CADM2: variants seen among roughly 807,000 people sequenced by gnomAD.
The protein encoded by CADM2 is immunoglobulin superfamily member 4D.
A neutral mutation model predicts 49.8 loss-of-function variants in CADM2; 12 were observed. The observed-to-expected ratio is 0.24, with a 90% CI of 0.15 to 0.39. The LOEUF (loss-of-function observed/expected upper bound fraction) is 0.39, where lower values mean the gene tolerates loss of function less well. CADM2 is among the 10% of genes least tolerant of loss of function. The pLI is 1.00. For missense variants in CADM2, 378 were observed against 492.3 expected, an observed-to-expected ratio of 0.77 and a Z score of 2.20; for synonymous variants, 214 against 175.4, an observed-to-expected ratio of 1.22 and a Z score of -1.74.
Position 85,431,860 on chromosome 3 carries a change from C to CATATATATAT in CADM2, c.62-294659_62-294650dup, listed in dbSNP as rs1553722697. 1.2e-3 allele frequency among the ~76,000 whole-genome samples: 60 copies of CATATATATAT among 51,856 alleles called. 16 individuals are homozygous for CATATATATAT. Among genetic ancestry groups the CATATATATAT allele is most frequent in the African/African-American group, 1.7e-3 (31 of 18,340 alleles). 34.0% of individuals were successfully genotyped at this position (51,856 alleles called of 152,430 possible). On this transcript the variant is annotated intron_variant, in intron 1 of 9. Transcript: ENST00000383699. ...AACACCATGGTCTTATGCTTAATTG[C>CATATATATAT]ATATATATATATGCCATGCTCTTTC... is the stretch of plus-strand genomic sequence containing the variant.
chr3:86,061,989 G>T (rs546894318), intron 8 of CADM2, among the ~76,000 whole-genome samples: 4 of 145,750 alleles, frequency 2.7e-5, no homozygotes, highest in Admixed American at 6.9e-5. Context: ...TTGATGGTGG[G>T]GGGGGGGTTG....
intron 1 of CADM2, among the ~76,000 whole-genome samples, chr3:84,961,574 A>T (rs939749085): frequency 2.0e-5 from 3 of 151,774 alleles, no homozygotes; most frequent in East Asian, 3.9e-4. Flanking sequence ...CAGAGACCCT[A>T]CTTCACCTCT....
At chr3:85,559,770 T>C (rs1170729130) in intron 1 of CADM2, among the ~76,000 whole-genome samples, 1 of 152,044 alleles carries the variant, frequency 6.6e-6, no homozygotes, top group Non-Finnish European at 1.5e-5. Flanking sequence ...TCATTTCTCT[T>C]GAGTCTGAAA....
intron 1 of CADM2, among the ~76,000 whole-genome samples, chr3:85,659,660 T>C (rs181112753): frequency 6.6e-6 from 1 of 152,260 alleles, no homozygotes; most frequent in African/African-American, 2.4e-5. Context: ...AATTTCAACA[T>C]GTGGATTAGA....
intron 8 of CADM2, chr3:85,979,073 A>T (rs1481238343): frequency 7.1e-7 from 1 of 1,404,404 alleles, no homozygotes; most frequent in African/African-American, 1.4e-5. Context: ...TTAAACCTCA[A>T]TAAGTTATAT....
At chr3:85,502,049 A>G (rs1276267414) in intron 1 of CADM2, among the ~76,000 whole-genome samples, 3 of 152,174 alleles carry the variant, frequency 2.0e-5, no homozygotes, top group Non-Finnish European at 4.4e-5. Flanking sequence ...ATGAGAGAGT[A>G]GTGACTGAGA....
intron 1 of CADM2, among the ~76,000 whole-genome samples, chr3:85,056,335 T>A (rs938077157): frequency 1.1e-4 from 16 of 152,086 alleles, no homozygotes; most frequent in Non-Finnish European, 1.9e-4. Context: ...ATTTTGCATT[T>A]TAAGTGTGCT....
chr3:85,927,429 T>C (rs548846165), intron 6 of CADM2, among the ~76,000 whole-genome samples: 4 of 152,280 alleles, frequency 2.6e-5, no homozygotes, highest in African/African-American at 9.6e-5. Context: ...AATGTCACAA[T>C]GTAAAATGTT....
chr3:85,732,613 C>G (rs556386084), intron 2 of CADM2, among the ~76,000 whole-genome samples: 2 of 152,092 alleles, frequency 1.3e-5, no homozygotes, highest in African/African-American at 4.8e-5. Context: ...TATATTACTG[C>G]AGCTTTTTTC....
chr3:85,801,242 TA>T (rs5850717), intron 2 of CADM2, among the ~76,000 whole-genome samples: 22,015 of 152,138 alleles, frequency 0.14, 2,017 homozygotes, highest in Non-Finnish European at 0.2. Context: ...TGAATTACTT[TA>T]ACAAATTAGT....
intron 8 of CADM2, chr3:86,012,919 G>A (rs1254689188): frequency 1.1e-5 from 7 of 618,018 alleles, no homozygotes; most frequent in Non-Finnish European, 1.8e-5. Flanking sequence ...AGCTTGCAGT[G>A]AGCCGAGATC....
chr3:85,615,348 A>G (rs1458328259), intron 1 of CADM2, among the ~76,000 whole-genome samples: 1 of 151,968 alleles, frequency 6.6e-6, no homozygotes, highest in Non-Finnish European at 1.5e-5. Flanking sequence ...AATCTTTGTG[A>G]CTTTGTCAAC....
chr3:85,442,380 C>A (rs2037243381), intron 1 of CADM2, among the ~76,000 whole-genome samples: 1 of 151,570 alleles, frequency 6.6e-6, no homozygotes, highest in Non-Finnish European at 1.5e-5. Flanking sequence ...TATAGCGGAG[C>A]AAATGACTAC....
intron 1 of CADM2, among the ~76,000 whole-genome samples, chr3:85,726,016 G>A (rs1210176720): frequency 6.6e-6 from 1 of 151,858 alleles, no homozygotes; most frequent in Non-Finnish European, 1.5e-5. Context: ...ACATCTATGA[G>A]GAAGGGCAAC....
At chr3:85,026,100 T>C (rs541864217) in intron 1 of CADM2, among the ~76,000 whole-genome samples, 14 of 152,324 alleles carry the variant, frequency 9.2e-5, no homozygotes, top group Admixed American at 2.0e-4. Flanking sequence ...CTCAAGACTT[T>C]TGTAAAAATA....
intron 1 of CADM2, among the ~76,000 whole-genome samples, chr3:84,961,874 C>T (rs1389759037): frequency 3.3e-5 from 5 of 152,140 alleles, no homozygotes; most frequent in Non-Finnish European, 7.4e-5. Context: ...TCAACATTTC[C>T]CTGTGAATTG....
intron 1 of CADM2, among the ~76,000 whole-genome samples, chr3:85,688,279 T>C (rs1241250515): frequency 2.0e-5 from 3 of 152,168 alleles, no homozygotes; most frequent in Non-Finnish European, 4.4e-5. Flanking sequence ...TCTACCCTTT[T>C]TGAAAATATG....
chr3:85,154,064 C>T (rs760187606), intron 1 of CADM2, among the ~76,000 whole-genome samples: 3 of 152,210 alleles, frequency 2.0e-5, no homozygotes, highest in Non-Finnish European at 4.4e-5. Flanking sequence ...AGTTCCTCAC[C>T]AGCAACAGAA....
intron 1 of CADM2, among the ~76,000 whole-genome samples, chr3:85,206,815 CTT>C (rs2041654723): frequency 6.6e-6 from 1 of 151,744 alleles, no homozygotes; most frequent in Non-Finnish European, 1.5e-5. Context: ...AATTTACAAA[CTT>C]AAAATTTATT....
Sources: gnomAD v4.1 joint callset for allele counts (sites outside exome capture counted in the v4.1 genomes callset) on GRCh38, gnomAD v4.1.1 for gene constraint, MANE v1.5 for transcripts, NCBI Gene and HGNC (gene_info 2026-07-23, HGNC 2026-07-21) for gene names.